Variants in KCNG2 observed in about 807,000 individuals in gnomAD.
The protein encoded by KCNG2 is potassium voltage-gated channel modifier subfamily G member 2, also known as voltage-gated potassium channel regulatory subunit KCNG2.
A neutral mutation model predicts 12.3 loss-of-function variants in KCNG2; 7 were observed. The ratio of observed to expected loss-of-function variants is 0.57; its 90% CI spans 0.32 to 1.07. KCNG2 has a LOEUF of 1.07. Among genes scored for constraint, KCNG2 ranks in the 50% least tolerant of loss-of-function variants. The pLI is 0.04. For missense variants in KCNG2, 703 were observed against 726.0 expected, an observed-to-expected ratio of 0.97 and a Z score of 0.36; for synonymous variants, 414 against 351.4, an observed-to-expected ratio of 1.18 and a Z score of -1.99.
intron 1 of KCNG2, among the ~76,000 whole-genome samples, chr18:79,829,214 GC>G (rs1978289494): frequency 6.6e-6 from 1 of 151,212 alleles, no homozygotes. Context: ...GTCTATGTGT[GC>G]ATGTGTGTGT....
chr18:79,846,354 A>C (rs1260876576), intron 1 of KCNG2, among the ~76,000 whole-genome samples: 2 of 149,196 alleles, frequency 1.3e-5, no homozygotes, highest in African/African-American at 5.0e-5. Flanking sequence ...CAGCCTGGGC[A>C]ACAGAGCGAG....
At chr18:79,821,347 T>G (rs1361988761) in intron 1 of KCNG2, among the ~76,000 whole-genome samples, 2 of 147,210 alleles carry the variant, frequency 1.4e-5, no homozygotes, top group Non-Finnish European at 3.0e-5. Flanking sequence ...TGGAGCACAG[T>G]GGCGCAATCT....
At position 79,803,321 on chromosome 18, in the gene KCNG2, A is replaced by G. The variant is rs1568240241; in HGVS notation, c.-115+5307A>G. Among the ~76,000 whole-genome samples, 1 of 152,180 alleles carries G rather than the reference A, an allele frequency of 6.6e-6. No individual in the cohort carries two copies. Among genetic ancestry groups the G allele is most frequent in the Non-Finnish European group, 1.5e-5 (1 of 68,034 alleles). On this transcript the variant is annotated intron_variant, in intron 1 of 3. Coordinates refer to ENST00000316249, the MANE Select transcript of KCNG2 (RefSeq NM_012283.2). This position sits in a 1 kb window ranked among gnomAD's most constrained non-coding sequence, Gnocchi z 4.5. Reference sequence around the variant, plus strand: ...CCAGCCCCCTCACCTCTAGGCCTCCAGTTCTTCTTCCCGGAGGTTCACAGC... The same window carrying G: ...CCAGCCCCCTCACCTCTAGGCCTCCGGTTCTTCTTCCCGGAGGTTCACAGC...
chr18:79,856,819 C>T (rs62096717), intron 2 of KCNG2, among the ~76,000 whole-genome samples: 33,943 of 151,802 alleles, frequency 0.22, 4,174 homozygotes, highest in African/African-American at 0.33. Context: ...CTTCCTGCTG[C>T]ATTAGGAAGC....
chr18:79,823,174 T>A (rs376228784), intron 1 of KCNG2, among the ~76,000 whole-genome samples: 1 of 152,194 alleles, frequency 6.6e-6, no homozygotes, highest in Non-Finnish European at 1.5e-5. Context: ...CTGGAAGTCA[T>A]CTCGTGGCAG....
rs571339246 is a variant in KCNG2, at chr18:79,867,493, G to C, written c.624+3202G>C. ...GAGCCCGGCGTTGTGTCGTGTCTGG[G>C]GGGGGGATCGTGAGCCCGGCGTGTG... On this transcript the variant is annotated intron_variant, in intron 3 of 3. Transcript: ENST00000316249. Among the ~76,000 whole-genome samples the C allele has an allele frequency of 5.2e-4, 59 of 112,504 alleles. 2 individuals carry two copies. The East Asian group carries it at 0.017, about 32-fold the overall frequency. The allele number at this position is 112,504 out of a possible 152,430, so 73.8% of individuals were successfully genotyped here.
At chr18:79,882,749 G>GCCGGGTACGC (rs1980349146) in intron 3 of KCNG2, among the ~76,000 whole-genome samples, 9 of 140,872 alleles carry the variant, frequency 6.4e-5, no homozygotes, top group Admixed American at 7.3e-5. Context: ...GAGTGGCGAG[G>GCCGGGTACGC]CTGCCGTGGA....
rs902229212 is a variant in KCNG2, at chr18:79,800,621, A to G, written c.-115+2607A>G. 6.6e-6 allele frequency among the ~76,000 whole-genome samples: 1 copy of G among 152,226 alleles called. No individual in the cohort carries two copies. Among genetic ancestry groups the G allele is most frequent in the African/African-American group, 2.4e-5 (1 of 41,468 alleles). ...CACTCAGGGTCCTTGCTGGTGTCGG[A>G]GAAACAGCACTGGCTCCTTCACAGC... is the stretch of plus-strand genomic sequence containing the variant. On this transcript the variant is annotated intron_variant, in intron 1 of 3. Coordinates refer to ENST00000316249, the MANE Select transcript of KCNG2 (RefSeq NM_012283.2). This position sits in a 1 kb window ranked among gnomAD's most constrained non-coding sequence, Gnocchi z 4.0.
intron 3 of KCNG2, chr18:79,876,025 A>C (rs926331517): frequency 2.0e-5 from 3 of 152,344 alleles, no homozygotes; most frequent in South Asian, 4.1e-4. Flanking sequence ...AGGAGCTCAG[A>C]GCTGACTTGC....
At chr18:79,839,153 A>G (rs1978385946) in intron 1 of KCNG2, among the ~76,000 whole-genome samples, 1 of 152,142 alleles carries the variant, frequency 6.6e-6, no homozygotes, top group African/African-American at 2.4e-5. Context: ...ATAAATTAGC[A>G]GAATATGTGG....
intron 3 of KCNG2, among the ~76,000 whole-genome samples, chr18:79,875,649 C>G (rs1320173941): frequency 1.3e-5 from 2 of 152,236 alleles, no homozygotes; most frequent in African/African-American, 4.8e-5. Context: ...ACCGCAGACC[C>G]TGGCACGGGG....
At chr18:79,898,034 C>T (rs1275478566) in intron 3 of KCNG2, among the ~76,000 whole-genome samples, 2 of 152,152 alleles carry the variant, frequency 1.3e-5, no homozygotes, top group Non-Finnish European at 2.9e-5. Flanking sequence ...CTGTCTTCTC[C>T]CCTCATTCCC....
Position 79,809,535 on chromosome 18 carries a change from C to T in KCNG2, c.-115+11521C>T, listed in dbSNP as rs1271516437. 2.8e-5 allele frequency among the ~76,000 whole-genome samples: 3 copies of T among 108,034 alleles called. 1 individual carries two copies. Among genetic ancestry groups the T allele is most frequent in the African/African-American group, 1.1e-4 (3 of 28,302 alleles). 70.9% of individuals were successfully genotyped at this position (108,034 alleles called of 152,430 possible). ...GGAGCTGCCGGGGCCGCGCTGACCA[C>T]ACTCCACGTTACCGGCCCAGAGTCC... On this transcript the variant is annotated intron_variant, in intron 1 of 3. Transcript: ENST00000316249.
intron 1 of KCNG2, among the ~76,000 whole-genome samples, chr18:79,821,601 T>C (rs544641079): frequency 6.6e-6 from 1 of 152,296 alleles, no homozygotes; most frequent in African/African-American, 2.4e-5. Context: ...TTTACTTGAA[T>C]TGTGTATATG....
At chr18:79,897,201 T>C (rs1006797156) in intron 3 of KCNG2, among the ~76,000 whole-genome samples, 6 of 152,202 alleles carry the variant, frequency 3.9e-5, no homozygotes, top group Admixed American at 1.3e-4. Context: ...GGTATTCCCA[T>C]TATGCATATA....
chr18:79,898,469 G>T (rs1981058308), intron 3 of KCNG2, among the ~76,000 whole-genome samples: 1 of 152,216 alleles, frequency 6.6e-6, no homozygotes, highest in Non-Finnish European at 1.5e-5. Context: ...CCCTCCACCG[G>T]ACTCCCCAAG....
chr18:79,899,498 G>A lies in KCNG2; in HGVS notation c.1083G>A (p.Trp361Ter), dbSNP rs1981122487. Residue 361 changes from tryptophan to a stop codon, truncating the protein, a stop_gained, in exon 4 of 4, where the codon TGG (tryptophan) becomes TGA (stop). Transcript: ENST00000316249. LOFTEE classifies it low-confidence loss of function (END_TRUNC). ...TCTCCAGCGTGCCCGCCAGCTATTGGTGGGCCGTCATCTCCATGACCACCG... is the reference window on the plus strand; with the variant it reads ...TCTCCAGCGTGCCCGCCAGCTATTGATGGGCCGTCATCTCCATGACCACCG... ...RDFSSVPASY[W>*]WAVISMTTVG... 6.2e-7 allele frequency: 1 copy of A among 1,607,768 alleles called. No homozygotes were observed. Among genetic ancestry groups the A allele is most frequent in the East Asian group, 2.2e-5 (1 of 44,534 alleles).
chr18:79,878,463 C>G (rs1372665864), intron 3 of KCNG2, among the ~76,000 whole-genome samples: 24 of 45,530 alleles, frequency 5.3e-4, no homozygotes, highest in East Asian at 6.8e-3. Flanking sequence ...CGCCTGATGC[C>G]CACGTGGCAG....
intron 1 of KCNG2, among the ~76,000 whole-genome samples, chr18:79,850,002 G>C (rs1054864712): frequency 6.6e-6 from 1 of 152,196 alleles, no homozygotes; most frequent in Non-Finnish European, 1.5e-5. Flanking sequence ...CGCACCTAAA[G>C]GGCTGACAGG....
Sources: allele counts gnomAD v4.1 joint callset (sites outside exome capture counted in the v4.1 genomes callset), GRCh38; gene constraint gnomAD v4.1.1; non-coding constraint Gnocchi (gnomAD v3.1); transcripts MANE v1.5; gene names NCBI Gene and HGNC (gene_info 2026-07-23, HGNC 2026-07-21).